The following GRM7 variants were observed in gnomAD, a reference collection of about 807,000 sequenced individuals.
GRM7 encodes the protein metabotropic glutamate receptor 7.
In GRM7, 35 loss-of-function variants were observed where a neutral mutation model predicts 84.5. The observed-to-expected ratio is 0.41, with a 90% confidence interval of 0.32 to 0.55. GRM7 has a LOEUF of 0.55. GRM7 is among the 20% of genes least tolerant of loss of function. The probability of loss-of-function intolerance (pLI) is 0.19; values close to 1 mark genes in which losing one functional copy is unlikely to be tolerated. For synonymous variants in GRM7, 487 were observed against 455.1 expected (o/e 1.07, Z -0.89); for missense variants, 1,003 against 1,194.6 (o/e 0.84, Z 2.36).
intron 4 of GRM7, among the ~76,000 whole-genome samples, chr3:7,350,674 G>T (rs765014087): frequency 2.0e-5 from 3 of 152,032 alleles, no homozygotes; most frequent in Admixed American, 1.3e-4. Flanking sequence ...ATACCACCAA[G>T]GATAATCCAT....
At position 7,515,285 on chromosome 3, in the gene GRM7, G is replaced by C. The variant is rs185238065; in HGVS notation, c.1515+53563G>C. ...TTAACTTCAGGACTACGGACGTTTT[G>C]AGCCTGATAGTTTTTGTGTTTGAGG... is the stretch of plus-strand genomic sequence containing the variant. On this transcript the variant is annotated intron_variant, in intron 7 of 9. Transcript: ENST00000357716. 2.5e-3 allele frequency among the ~76,000 whole-genome samples: 379 copies of C among 150,226 alleles called. 1 individual carries two copies. Among genetic ancestry groups the C allele is most frequent in the Non-Finnish European group, 3.7e-3 (248 of 67,524 alleles).
intron 8 of GRM7, among the ~76,000 whole-genome samples, chr3:7,599,411 T>C (rs1193759119): frequency 6.6e-6 from 1 of 152,156 alleles, no homozygotes; most frequent in African/African-American, 2.4e-5. Flanking sequence ...TGATATATTG[T>C]GGAAATATTT....
intron 1 of GRM7, among the ~76,000 whole-genome samples, chr3:6,949,488 AT>A (rs1692618404): frequency 2.0e-5 from 3 of 151,464 alleles, no homozygotes; most frequent in Admixed American, 2.0e-4. Context: ...TGCCCTTAAC[AT>A]TTTTTCCTTC....
intron 4 of GRM7, among the ~76,000 whole-genome samples, chr3:7,374,140 T>C (rs17047235): frequency 0.018 from 2,732 of 152,212 alleles, 83 homozygotes; most frequent in African/African-American, 0.062. Flanking sequence ...CAAAACTTAC[T>C]TGCATGAAAT....
chr3:7,515,406 G>T (rs911485706), intron 7 of GRM7, among the ~76,000 whole-genome samples: 3 of 152,110 alleles, frequency 2.0e-5, no homozygotes, highest in African/African-American at 7.2e-5. Flanking sequence ...ACTGCCCCGA[G>T]CTGACAATCA....
In GRM7 at chr3:6,863,657, G is replaced by A. The variant is rs1694840738; in HGVS notation, c.519+1750G>A. Among the ~76,000 whole-genome samples, 1 of 152,146 alleles carries A rather than the reference G, an allele frequency of 6.6e-6. No individual in the cohort carries two copies. Among genetic ancestry groups the A allele is most frequent in the South Asian group, 2.1e-4 (1 of 4,830 alleles). On this transcript the variant is annotated intron_variant, in intron 1 of 9. Coordinates refer to ENST00000357716, the MANE Select transcript of GRM7 (RefSeq NM_000844.4). This position sits in a 1 kb window ranked among gnomAD's most constrained non-coding sequence, Gnocchi z 4.8. ...CCCAGAGCCCTTCCTTCATCTTTGAGCTTAAAGCTAGACAAGTTGAGGTAG... is the reference window on the plus strand; with the variant it reads ...CCCAGAGCCCTTCCTTCATCTTTGAACTTAAAGCTAGACAAGTTGAGGTAG...
At chr3:7,393,309 C>A (rs929335790) in intron 4 of GRM7, among the ~76,000 whole-genome samples, 1 of 152,136 alleles carries the variant, frequency 6.6e-6, no homozygotes, top group Non-Finnish European at 1.5e-5. Context: ...GTGTGGGTTC[C>A]CTTTCTGGAG....
At chr3:7,166,847 G>A (rs1457135189) in intron 2 of GRM7, among the ~76,000 whole-genome samples, 2 of 152,082 alleles carry the variant, frequency 1.3e-5, no homozygotes, top group African/African-American at 4.8e-5. Context: ...AAATTCCCAT[G>A]TTGCCTTAGC....
chr3:7,127,081 A>G (rs1693427699), intron 1 of GRM7, among the ~76,000 whole-genome samples: 1 of 152,248 alleles, frequency 6.6e-6, no homozygotes, highest in Admixed American at 6.5e-5. Flanking sequence ...GCCTTTCTTA[A>G]AAACAGCTCA....
At position 7,646,648 on chromosome 3, in the gene GRM7, CA is replaced by C. The variant is rs1247456850; in HGVS notation, c.2452-33394del. On this transcript the variant is annotated intron_variant, in intron 8 of 9. Transcript: ENST00000357716. The stretch of plus-strand genomic sequence containing the variant: ...CAGCTTTTGCCTGGTTTCTCATGTC[CA>C]AAAAAAGACAGCCACAAACCTTCCT... Among the ~76,000 whole-genome samples the C allele has an allele frequency of 1.3e-4, 20 of 151,844 alleles. 1 individual carries two copies.
intron 1 of GRM7, among the ~76,000 whole-genome samples, chr3:7,043,057 G>A (rs1285909934): frequency 6.6e-6 from 1 of 152,152 alleles, no homozygotes; most frequent in African/African-American, 2.4e-5. Flanking sequence ...TTTGAGTACT[G>A]TCTCCAATGC....
At chr3:7,567,261 T>A (rs1432417523) in intron 7 of GRM7, among the ~76,000 whole-genome samples, 1 of 152,188 alleles carries the variant, frequency 6.6e-6, no homozygotes, top group Non-Finnish European at 1.5e-5. Context: ...ATGTTCCCAT[T>A]AAATCATAAT....
At chr3:7,431,436 TC>T (rs1683155649) in intron 5 of GRM7, among the ~76,000 whole-genome samples, 2 of 152,138 alleles carry the variant, frequency 1.3e-5, no homozygotes. Context: ...GATGAAATAT[TC>T]TTCATATTGA....
intron 1 of GRM7, among the ~76,000 whole-genome samples, chr3:6,872,557 C>A (rs1695157802): frequency 6.6e-6 from 1 of 152,098 alleles, no homozygotes. Context: ...TGGTTTGCTG[C>A]ACCCATCAAC....
chr3:7,563,600 G>A lies in GRM7; in HGVS notation c.1516-14822G>A, dbSNP rs540385812. On this transcript the variant is annotated intron_variant, in intron 7 of 9. Transcript: ENST00000357716. ...TTAGGGGGAAAAATGACAGCCGAAA[G>A]GTTAAGTGTAAATAAAATAATATAA... Among the ~76,000 whole-genome samples, 188 of 152,204 alleles carry A rather than the reference G, an allele frequency of 1.2e-3. 1 individual carries two copies. Among genetic ancestry groups the A allele is most frequent in the Admixed American group, 3.5e-3 (53 of 15,282 alleles).
At chr3:7,431,770 C>T (rs1030981806) in intron 5 of GRM7, among the ~76,000 whole-genome samples, 1 of 152,110 alleles carries the variant, frequency 6.6e-6, no homozygotes, top group African/African-American at 2.4e-5. Context: ...AACTGTTGTT[C>T]ACCGCAGTAC....
chr3:6,983,107 A>G (rs1694269417), intron 1 of GRM7, among the ~76,000 whole-genome samples: 1 of 152,154 alleles, frequency 6.6e-6, no homozygotes, highest in Non-Finnish European at 1.5e-5. Flanking sequence ...TTAGAAATGT[A>G]TTTTAATTGA....
At position 6,955,910 on chromosome 3, in the gene GRM7, C is replaced by T. The variant is rs188070392; in HGVS notation, c.519+94003C>T. On this transcript the variant is annotated intron_variant, in intron 1 of 9. Transcript: ENST00000357716. ...TGACCGTTGAAATTATGAAGAAAGA[C>T]CACTGCTGGATTTGTGCAGTGACAT... 5.0e-4 allele frequency among the ~76,000 whole-genome samples: 76 copies of T among 151,826 alleles called. No individual in the cohort carries two copies. The Middle Eastern group carries it at 0.017, about 35-fold the overall frequency.
At chr3:7,702,219 A>G (rs1701252053) in intron 9 of GRM7, among the ~76,000 whole-genome samples, 1 of 152,232 alleles carries the variant, frequency 6.6e-6, no homozygotes, top group African/African-American at 2.4e-5. Flanking sequence ...AATTTAAGGC[A>G]ATGCTTCTCA....
Sources: gnomAD v4.1 joint callset for allele counts (sites outside exome capture counted in the v4.1 genomes callset) on GRCh38, gnomAD v4.1.1 for gene constraint, Gnocchi (gnomAD v3.1) non-coding constraint, MANE v1.5 for transcripts, NCBI Gene and HGNC (gene_info 2026-07-23, HGNC 2026-07-21) for gene names.